The following RGPD3 variants were observed in gnomAD, a reference collection of about 807,000 sequenced individuals.
RGPD3 encodes the protein ranBP2-like and GRIP domain-containing protein 3.
Under a neutral mutation model 154.5 loss-of-function variants are expected in RGPD3, and 62 were observed. The observed-to-expected ratio is 0.40, with a 90% confidence interval of 0.33 to 0.50. The LOEUF (loss-of-function observed/expected upper bound fraction) is 0.50, where lower values mean the gene tolerates loss of function less well. RGPD3 is among the 20% of genes least tolerant of loss of function. The pLI, the probability that RGPD3 is intolerant of heterozygous loss-of-function variation, is 0.59. For synonymous variants in RGPD3, 308 were observed against 607.0 expected, an observed-to-expected ratio of 0.51 and a Z score of 7.24; for missense variants, 919 against 1,716.8, an observed-to-expected ratio of 0.54 and a Z score of 8.21.
chr2:106,423,721 T>A lies in RGPD3; in HGVS notation c.4246A>T (p.Ser1416Cys). ...TCTGTCCCTTTCATATTTTGCAAAC[T>A]CATGTCTGGAGTTATTCTGTGATTG... ...CANHRITPDMSLQNMKGTERV... is the reference protein window; with the variant it reads ...CANHRITPDMCLQNMKGTERV... The change falls in exon 20 of 23, where the codon AGT becomes TGT. Residue 1416 changes from serine (S) to cysteine (C), a missense_variant. By Grantham distance (112) the Ser-to-Cys change is moderately radical. Transcript: ENST00000409886. The A allele has an allele frequency of 6.2e-7, 1 of 1,611,588 alleles. No homozygotes were observed. Among genetic ancestry groups the A allele is most frequent in the Non-Finnish European group, 8.5e-7 (1 of 1,179,794 alleles).
intron 1 of RGPD3, among the ~76,000 whole-genome samples, chr2:106,466,100 G>A (rs1334728546): frequency 6.6e-6 from 1 of 151,650 alleles, no homozygotes. Context: ...ACTAGGCCGC[G>A]CGGGTACTAC....
At chr2:106,461,768 G>C (rs1012823446) in intron 1 of RGPD3, among the ~76,000 whole-genome samples, 15 of 151,624 alleles carry the variant, frequency 9.9e-5, no homozygotes, top group African/African-American at 2.9e-4. Flanking sequence ...ATTACAAAAC[G>C]TTGCTCAATG....
At chr2:106,438,576 G>A (rs1367273062) in intron 9 of RGPD3, among the ~76,000 whole-genome samples, 1 of 151,538 alleles carries the variant, frequency 6.6e-6, no homozygotes, top group Non-Finnish European at 1.5e-5. Flanking sequence ...GAGGTCAGGA[G>A]TTTGAGACCA....
At chr2:106,438,383 G>A (rs1265689414) in intron 9 of RGPD3, among the ~76,000 whole-genome samples, 2 of 150,948 alleles carry the variant, frequency 1.3e-5, no homozygotes, top group African/African-American at 4.9e-5. Flanking sequence ...AGCTACTCAG[G>A]AGGCTGAGGC....
At chr2:106,464,330 G>C (rs183944539) in intron 1 of RGPD3, among the ~76,000 whole-genome samples, 1,695 of 115,088 alleles carry the variant, frequency 0.015, 27 homozygotes, top group African/African-American at 0.052. Flanking sequence ...GATAGAGCGA[G>C]ACTCCATCTC....
At chr2:106,463,872 C>T (rs1206972326) in intron 1 of RGPD3, among the ~76,000 whole-genome samples, 3 of 151,872 alleles carry the variant, frequency 2.0e-5, no homozygotes, top group Non-Finnish European at 4.4e-5. Flanking sequence ...AGCAATTATT[C>T]AGTCCAGGAA....
chr2:106,413,211 C>A lies in RGPD3; in HGVS notation c.5139G>T (p.Leu1713Phe), dbSNP rs1271875676. Residue 1713 changes from leucine (L) to phenylalanine (F), a missense_variant, in exon 22 of 23, where the codon TTG becomes TTT. By Grantham distance (22) the Leu-to-Phe change is conservative. Coordinates refer to ENST00000409886, the MANE Select transcript of RGPD3 (RefSeq NM_001144013.2). ...AAATGAACTGCAGCAAGACGTTCTTCAAGTGTTCCACGTTAGCTGCAGACA... is the reference window on the plus strand; with the variant it reads ...AAATGAACTGCAGCAAGACGTTCTTAAAGTGTTCCACGTTAGCTGCAGACA... ...QEVSAANVEH[L>F]KNVLLQFIFL... 3 of 1,611,992 alleles carry A rather than the reference C, an allele frequency of 1.9e-6. No homozygotes were observed. The highest frequency in any genetic ancestry group is 2.5e-6 in the Non-Finnish European group (3 of 1,179,860).
At chr2:106,448,170 C>T (rs1677992402) in intron 6 of RGPD3, among the ~76,000 whole-genome samples, 2 of 150,488 alleles carry the variant, frequency 1.3e-5, no homozygotes, top group African/African-American at 2.5e-5. Context: ...TGCAATGGCA[C>T]GATCTAAGCT....
chr2:106,466,009 C>T (rs1271997252), intron 1 of RGPD3, among the ~76,000 whole-genome samples: 1 of 151,996 alleles, frequency 6.6e-6, no homozygotes, highest in Non-Finnish European at 1.5e-5. Flanking sequence ...GGTATGACCT[C>T]CGCCGCAGCA....
intron 1 of RGPD3, among the ~76,000 whole-genome samples, chr2:106,463,393 T>A (rs1255298216): frequency 6.6e-6 from 1 of 152,238 alleles, no homozygotes; most frequent in Non-Finnish European, 1.5e-5. Flanking sequence ...GAGAATCACT[T>A]GAACCCGGGA....
Position 106,405,241 on chromosome 2 carries a change from A to G in RGPD3, c.5267-12T>C. On this transcript the variant is annotated splice_polypyrimidine_tract_variant and intron_variant, in intron 22 of 22. Coordinates refer to ENST00000409886, the MANE Select transcript of RGPD3 (RefSeq NM_001144013.2). The stretch of plus-strand genomic sequence containing the variant: ...ATTTTATTCCTCACCTTTGGAAAGT[A>G]AAACAAAAAAAAAGAAAAAAGAGAG... 1 of 1,607,006 alleles carries G rather than the reference A, an allele frequency of 6.2e-7. No individual in the cohort carries two copies. Among genetic ancestry groups the G allele is most frequent in the Non-Finnish European group, 8.5e-7 (1 of 1,178,446 alleles).
intron 6 of RGPD3, among the ~76,000 whole-genome samples, chr2:106,450,905 C>T (rs1328145024): frequency 2.0e-5 from 2 of 99,188 alleles, no homozygotes; most frequent in Non-Finnish European, 4.1e-5. Context: ...AGATTGAGAC[C>T]ATCCTGAACC....
At chr2:106,433,069 A>G in intron 16 of RGPD3, 37 bp downstream of exon 16, 1 of 1,611,070 alleles carries the variant, frequency 6.2e-7, no homozygotes, top group Non-Finnish European at 8.5e-7. Context: ...CTTAGAAACA[A>G]TTTCACAATG....
chr2:106,465,416 G>A (rs889421822), intron 1 of RGPD3, among the ~76,000 whole-genome samples: 5 of 152,130 alleles, frequency 3.3e-5, no homozygotes, highest in African/African-American at 4.8e-5. Context: ...ATAACCAATC[G>A]TCAAAATCTT....
intron 20 of RGPD3, among the ~76,000 whole-genome samples, chr2:106,417,435 GA>G (rs1458054038): frequency 6.8e-6 from 1 of 147,508 alleles, no homozygotes; most frequent in Non-Finnish European, 1.5e-5. Context: ...ATAAGACAGT[GA>G]AATTAAAGAA....
intron 20 of RGPD3, among the ~76,000 whole-genome samples, chr2:106,420,501 T>A (rs1300296160): frequency 6.6e-6 from 1 of 152,232 alleles, no homozygotes; most frequent in East Asian, 1.9e-4. Context: ...TGGTGTCCAA[T>A]ATGGTAGCCT....
At chr2:106,465,283 G>C (rs980081279) in intron 1 of RGPD3, among the ~76,000 whole-genome samples, 7 of 152,044 alleles carry the variant, frequency 4.6e-5, no homozygotes, top group Non-Finnish European at 8.8e-5. Context: ...TCACAGAATA[G>C]CTTCACATGT....
At position 106,468,390 on chromosome 2, in the gene RGPD3, G is replaced by A. The variant is rs1315571022; in HGVS notation, c.-102C>T. 1 of 1,537,688 alleles carries A rather than the reference G, an allele frequency of 6.5e-7. No homozygotes were observed. Among genetic ancestry groups the A allele is most frequent in the South Asian group, 1.2e-5 (1 of 83,672 alleles). ...GCGCCTGAAAGCCACTGAGGCAGCG[G>A]CGTAGCCGGCGGAGGACCACTGTGA... On this transcript the variant is annotated 5_prime_UTR_variant, in exon 1 of 23. Coordinates refer to ENST00000409886, the MANE Select transcript of RGPD3 (RefSeq NM_001144013.2).
At chr2:106,420,709 T>C (rs1483482065) in intron 20 of RGPD3, among the ~76,000 whole-genome samples, 1 of 152,302 alleles carries the variant, frequency 6.6e-6, no homozygotes, top group Non-Finnish European at 1.5e-5. Context: ...ATAAAGTTAC[T>C]TTCATCTGTT....
Sources: allele counts gnomAD v4.1 joint callset (sites outside exome capture counted in the v4.1 genomes callset), GRCh38; gene constraint gnomAD v4.1.1; transcripts MANE v1.5; gene names NCBI Gene and HGNC (gene_info 2026-07-23, HGNC 2026-07-21).